CSMD3: variants seen among roughly 807,000 people sequenced by gnomAD.
CSMD3 encodes CUB and sushi domain-containing protein 3.
A neutral mutation model predicts 435.2 loss-of-function variants in CSMD3; 177 were observed. The ratio of observed to expected loss-of-function variants is 0.41; its 90% CI spans 0.36 to 0.46. The LOEUF (loss-of-function observed/expected upper bound fraction) is 0.46. CSMD3 is among the 20% of genes least tolerant of loss of function. CSMD3 has a pLI of 0.34. For missense variants in CSMD3, 4,265 were observed against 4,504.6 expected, an observed-to-expected ratio of 0.95 and a Z score of 1.52; for synonymous variants, 1,656 against 1,520.5, an observed-to-expected ratio of 1.09 and a Z score of -2.07.
At chr8:113,060,002 T>A (rs1265552235) in intron 5 of CSMD3, among the ~76,000 whole-genome samples, 6 of 150,862 alleles carry the variant, frequency 4.0e-5, no homozygotes, top group South Asian at 4.2e-4. Flanking sequence ...TTTATTTTTT[T>A]TTTATTATAC....
At chr8:113,371,091 T>C (rs1276116624) in intron 1 of CSMD3, among the ~76,000 whole-genome samples, 1 of 152,078 alleles carries the variant, frequency 6.6e-6, no homozygotes, top group East Asian at 1.9e-4. Context: ...TCCATAGTTT[T>C]TGAAGAGTAA....
chr8:113,225,149 G>A (rs2093012386), intron 3 of CSMD3, among the ~76,000 whole-genome samples: 1 of 151,432 alleles, frequency 6.6e-6, no homozygotes, highest in South Asian at 2.1e-4. Context: ...ACATGGAAAG[G>A]CAGTGTTGTT....
At chr8:113,413,041 C>G (rs1026770525) in intron 1 of CSMD3, among the ~76,000 whole-genome samples, 1 of 152,046 alleles carries the variant, frequency 6.6e-6, no homozygotes, top group Non-Finnish European at 1.5e-5. Context: ...CTGTATCTAT[C>G]TTGCAACTAT....
chr8:112,552,588 A>T lies in CSMD3; in HGVS notation c.4361+6T>A, dbSNP rs1419328414. 1 of 1,611,172 alleles carries T rather than the reference A, an allele frequency of 6.2e-7. No individual in the cohort carries two copies. ...TAGTAATGTTGAGAAAATGAAATTC[A>T]TTTACCTGACAATATTTCCAGGATC... On this transcript the variant is annotated splice_donor_region_variant and intron_variant, in intron 26 of 70. Coordinates refer to ENST00000297405, the MANE Select transcript of CSMD3 (RefSeq NM_198123.2).
chr8:112,710,173 T>C (rs2076581756), intron 13 of CSMD3, among the ~76,000 whole-genome samples: 1 of 152,226 alleles, frequency 6.6e-6, no homozygotes, highest in East Asian at 1.9e-4. Flanking sequence ...AGCCAATTTA[T>C]TTTTTCTTTG....
At chr8:112,673,841 C>T (rs2075711520) in intron 16 of CSMD3, among the ~76,000 whole-genome samples, 1 of 152,126 alleles carries the variant, frequency 6.6e-6, no homozygotes, top group Admixed American at 6.6e-5. Flanking sequence ...GCATAAGCCA[C>T]AGCTATGCAG....
intron 6 of CSMD3, among the ~76,000 whole-genome samples, chr8:112,993,489 G>C (rs1014142120): frequency 6.6e-6 from 1 of 151,748 alleles, no homozygotes; most frequent in Non-Finnish European, 1.5e-5. Context: ...TATTTAATGA[G>C]AGACACGCAT....
intron 13 of CSMD3, among the ~76,000 whole-genome samples, chr8:112,715,669 A>G (rs1394508537): frequency 6.6e-6 from 1 of 152,088 alleles, no homozygotes; most frequent in African/African-American, 2.4e-5. Context: ...GAAGTGAAAC[A>G]CCTCAATAAA....
chr8:112,304,044 A>G (rs1215610070), intron 52 of CSMD3, among the ~76,000 whole-genome samples: 1 of 152,168 alleles, frequency 6.6e-6, no homozygotes, highest in Non-Finnish European at 1.5e-5. Flanking sequence ...TAGCTTATGT[A>G]TATTAGATAC....
chr8:112,526,772 T>C (rs1373503852), intron 27 of CSMD3, among the ~76,000 whole-genome samples: 1 of 151,978 alleles, frequency 6.6e-6, no homozygotes, highest in Non-Finnish European at 1.5e-5. Flanking sequence ...AGGGTTGTGA[T>C]GTTTATAACA....
At chr8:112,931,978 C>G (rs1487940834) in intron 9 of CSMD3, among the ~76,000 whole-genome samples, 3 of 152,124 alleles carry the variant, frequency 2.0e-5, no homozygotes, top group Non-Finnish European at 4.4e-5. Context: ...GGAAAGGTAA[C>G]TCTTACACAC....
chr8:112,422,799 T>C (rs1812657902), intron 32 of CSMD3, among the ~76,000 whole-genome samples: 1 of 152,210 alleles, frequency 6.6e-6, no homozygotes, highest in African/African-American at 2.4e-5. Context: ...ATTAACCACT[T>C]ATTGTTTAAC....
chr8:112,771,307 A>G (rs890538327), intron 13 of CSMD3, among the ~76,000 whole-genome samples: 1 of 152,010 alleles, frequency 6.6e-6, no homozygotes, highest in Non-Finnish European at 1.5e-5. Flanking sequence ...TGGGAGGTCA[A>G]GGTGGGCATT....
intron 5 of CSMD3, among the ~76,000 whole-genome samples, chr8:113,081,915 G>A (rs1165147112): frequency 2.0e-5 from 3 of 152,062 alleles, no homozygotes; most frequent in African/African-American, 7.2e-5. Context: ...TGAGAGCCAC[G>A]TACCCGGACC....
intron 1 of CSMD3, among the ~76,000 whole-genome samples, chr8:113,399,960 A>G (rs2094502518): frequency 1.3e-5 from 2 of 151,404 alleles, no homozygotes; most frequent in African/African-American, 4.9e-5. Context: ...ATATATATAT[A>G]TATGTATACA....
chr8:112,837,726 T>C (rs749076379), intron 11 of CSMD3, among the ~76,000 whole-genome samples: 7 of 151,478 alleles, frequency 4.6e-5, no homozygotes, highest in Non-Finnish European at 1.0e-4. Flanking sequence ...TAAGAGTTTT[T>C]CCCCCAAACT....
chr8:112,317,137 T>A (rs1267214339), intron 47 of CSMD3, among the ~76,000 whole-genome samples: 1 of 151,942 alleles, frequency 6.6e-6, no homozygotes, highest in Non-Finnish European at 1.5e-5. Flanking sequence ...AGCTAGTATC[T>A]GAAGTGTTAT....
chr8:113,195,113 A>G (rs1277891710), intron 3 of CSMD3, among the ~76,000 whole-genome samples: 5 of 151,092 alleles, frequency 3.3e-5, no homozygotes, highest in African/African-American at 9.7e-5. Context: ...ATTGTCTTTT[A>G]TATTATATCT....
rs775310571 is a variant in CSMD3, at chr8:113,019,159, G to C, written c.938C>G (p.Pro313Arg). The change falls in exon 6 of 71, where the codon CCA becomes CGA. Residue 313 changes from proline (P) to arginine (R), a missense_variant. Transcript: ENST00000297405. ...GTTTTTGTTGCTGATAATTGGTGGT[G>C]GTATATTCATTCCAGATAACCTGAA... ...PTIWLSGMNIPPPIISNKNWL... is the reference protein window; with the variant it reads ...PTIWLSGMNIRPPIISNKNWL... The C allele has an allele frequency of 6.2e-7, 1 of 1,610,956 alleles. No homozygotes were observed. The highest frequency in any genetic ancestry group is 1.1e-5 in the South Asian group (1 of 90,998).
Sources: gnomAD v4.1 joint callset for allele counts (sites outside exome capture counted in the v4.1 genomes callset) on GRCh38, gnomAD v4.1.1 for gene constraint, MANE v1.5 for transcripts, NCBI Gene and HGNC (gene_info 2026-07-23, HGNC 2026-07-21) for gene names.